CDH23: variants seen among roughly 807,000 people sequenced by gnomAD.
The protein encoded by CDH23 is cadherin related 23, also known as cadherin-23.
Under a neutral mutation model 317.1 loss-of-function variants are expected in CDH23, and 189 were observed. That is an observed-to-expected ratio of 0.60 (90% confidence interval 0.53 to 0.67). CDH23 has a LOEUF of 0.67. Among genes scored for constraint, CDH23 ranks in the 30% least tolerant of loss-of-function variants. The pLI is 0.00. For missense variants in CDH23, 4,401 were observed against 4,592.4 expected, an observed-to-expected ratio of 0.96 and a Z score of 1.20; for synonymous variants, 1,839 against 1,876.8, an observed-to-expected ratio of 0.98 and a Z score of 0.52.
chr10:71,761,017 T>C, intron 38 of CDH23: 3 of 1,291,446 alleles, frequency 2.3e-6, no homozygotes, highest in South Asian at 1.2e-5. Flanking sequence ...CTGCCCCAGG[T>C]TCTCACGCTA....
At position 71,702,640 on chromosome 10, in the gene CDH23, G is replaced by A. The variant is rs1865634683; in HGVS notation, c.2679G>A (p.Leu893=). The A allele has an allele frequency of 6.2e-6, 10 of 1,613,962 alleles. No individual in the cohort carries two copies. The East Asian group carries it at 1.8e-4, about 29-fold the overall frequency. Residue 893 remains leucine, a synonymous_variant, in exon 24 of 70, where the codon CTG becomes CTA. Transcript: ENST00000224721. ...LNDNDPTFQN[L]PFVAEVLEGI... ...ACAATGACCCCACCTTTCAGAACCT[G>A]CCTTTTGTGGCCGAGGTGCTTGAAG...
chr10:71,512,623 G>A (rs1854058768), intron 6 of CDH23, among the ~76,000 whole-genome samples: 1 of 152,188 alleles, frequency 6.6e-6, no homozygotes, highest in African/African-American at 2.4e-5. Context: ...CCCTCTCATG[G>A]GGCAGCAGGG....
chr10:71,452,678 T>C (rs1850507203), intron 3 of CDH23, among the ~76,000 whole-genome samples: 1 of 152,190 alleles, frequency 6.6e-6, no homozygotes, highest in Admixed American at 6.5e-5. Context: ...GAACTCCCCA[T>C]TGGTCTATTA....
intron 22 of CDH23, among the ~76,000 whole-genome samples, chr10:71,700,280 G>A (rs1003082492): frequency 1.1e-4 from 16 of 152,202 alleles, no homozygotes; most frequent in Admixed American, 9.2e-4. Context: ...CCAGCTACTC[G>A]GGAGGCTGAG....
In CDH23 at chr10:71,687,682, C is replaced by T. The variant is rs377445540; in HGVS notation, c.2022C>T (p.Pro674=). 4.0e-5 allele frequency: 64 copies of T among 1,613,776 alleles called. 1 individual carries two copies. In the Middle Eastern group the frequency reaches 6.6e-4, roughly 17 times the overall value. ...ACAACCCTCCCACCTTCAGCAAGCC[C>T]GCCTACTTCGTCTCCGTGGTGGAGA... is the stretch of plus-strand genomic sequence containing the variant. ...ENDNPPTFSK[P]AYFVSVVENI... is the part of the protein sequence containing the mutation. Residue 674 remains proline, a synonymous_variant, in exon 19 of 70, where the codon CCC becomes CCT. Transcript: ENST00000224721.
chr10:71,747,397 G>A (rs1019687852), intron 38 of CDH23, among the ~76,000 whole-genome samples: 16 of 152,326 alleles, frequency 1.1e-4, no homozygotes, highest in African/African-American at 3.4e-4. Flanking sequence ...AGATAGGAAC[G>A]TTTCTGGTGT....
At chr10:71,552,007 G>A (rs754745607) in intron 6 of CDH23, among the ~76,000 whole-genome samples, 2 of 152,178 alleles carry the variant, frequency 1.3e-5, no homozygotes, top group African/African-American at 2.4e-5. Flanking sequence ...GGCTGTCCCC[G>A]CCCAAGTATA....
chr10:71,615,836 A>G (rs112564982), intron 10 of CDH23, among the ~76,000 whole-genome samples: 1 of 152,218 alleles, frequency 6.6e-6, no homozygotes, highest in Non-Finnish European at 1.5e-5. Flanking sequence ...TGCCGCATCC[A>G]TCATCAACAA....
intron 9 of CDH23, among the ~76,000 whole-genome samples, chr10:71,583,978 T>TCAC (rs1858849352): frequency 1.5e-5 from 2 of 136,342 alleles, no homozygotes; most frequent in Non-Finnish European, 3.2e-5. Context: ...ATCAGCATCA[T>TCAC]CTGGGAATTA....
chr10:71,519,580 A>T (rs1854540711), intron 6 of CDH23, among the ~76,000 whole-genome samples: 1 of 152,304 alleles, frequency 6.6e-6, no homozygotes, highest in East Asian at 1.9e-4. Context: ...CTGCATTGTG[A>T]TGGGGCTGTG....
At chr10:71,663,074 G>A (rs978015801) in intron 14 of CDH23, among the ~76,000 whole-genome samples, 11 of 152,162 alleles carry the variant, frequency 7.2e-5, no homozygotes, top group African/African-American at 2.2e-4. Context: ...ACCCAGGATG[G>A]TCTCCTCAAA....
At chr10:71,662,258 G>C (rs1220969502) in intron 14 of CDH23, among the ~76,000 whole-genome samples, 4 of 152,100 alleles carry the variant, frequency 2.6e-5, no homozygotes, top group Non-Finnish European at 5.9e-5. Context: ...TGGTTCATTA[G>C]TGAGCCGCAT....
Position 71,660,035 on chromosome 10 carries a change from A to G in CDH23, c.1449+13418A>G, listed in dbSNP as rs904455970. On this transcript the variant is annotated intron_variant, in intron 14 of 69. Coordinates refer to ENST00000224721, the MANE Select transcript of CDH23 (RefSeq NM_022124.6). Reference sequence around the variant, plus strand: ...GAGTACCATAGTGCGATCTTGGCTCACTGCAACTTTTGACTCCCTGGTTCA... The same window carrying G: ...GAGTACCATAGTGCGATCTTGGCTCGCTGCAACTTTTGACTCCCTGGTTCA... 2.1e-5 allele frequency among the ~76,000 whole-genome samples: 3 copies of G among 139,892 alleles called. No homozygotes were observed. In the Admixed American group the frequency reaches 2.4e-4, roughly 11 times the overall value. The allele number at this position is 139,892 out of a possible 152,430, so 91.8% of individuals were successfully genotyped here. A position where few individuals can be genotyped will look rare whatever the true frequency, so the allele number is the denominator to read the frequency against.
chr10:71,656,283 G>A (rs540254370), intron 14 of CDH23, among the ~76,000 whole-genome samples: 4 of 152,312 alleles, frequency 2.6e-5, no homozygotes, highest in South Asian at 4.1e-4. Flanking sequence ...ACAGGTGGGC[G>A]GGAGCTGACC....
intron 28 of CDH23, chr10:71,717,777 AT>A (rs923095240): frequency 3.3e-5 from 5 of 152,304 alleles, no homozygotes; most frequent in African/African-American, 1.2e-4. Context: ...AGAAATCTGG[AT>A]TTTTTTAAAG....
chr10:71,556,487 G>A (rs1856880281), intron 6 of CDH23, among the ~76,000 whole-genome samples: 1 of 152,074 alleles, frequency 6.6e-6, no homozygotes, highest in African/African-American at 2.4e-5. Context: ...TGTAATCCCA[G>A]CTACTGGGGA....
At chr10:71,657,675 T>C (rs1863474738) in intron 14 of CDH23, among the ~76,000 whole-genome samples, 1 of 152,142 alleles carries the variant, frequency 6.6e-6, no homozygotes, top group Admixed American at 6.5e-5. Flanking sequence ...CAGAGCCTGC[T>C]CAGCTCTTCC....
rs1422307027 is a variant in CDH23, at chr10:71,646,613, T to C, written c.1445T>C (p.Val482Ala). Residue 482 changes from valine (V) to alanine (A), a missense_variant, in exon 14 of 70, where the codon GTC becomes GCC. Physicochemically the swap from Val to Ala is moderately conservative, Grantham distance 64. Transcript: ENST00000224721. The stretch of plus-strand genomic sequence containing the variant: ...ACCGTGGGGACCTCTGTGCTGACAG[T>C]CCTGGTGAGTCCCCGCTTCACTGCA... The part of the protein sequence containing the change: ...NVTVGTSVLT[V>A]LATDNDAGTF... The C allele has an allele frequency of 6.2e-7, 1 of 1,613,968 alleles. No homozygotes were observed. The highest frequency in any genetic ancestry group is 8.5e-7 in the Non-Finnish European group (1 of 1,179,874).
At chr10:71,671,702 C>T (rs1864155273) in intron 14 of CDH23, among the ~76,000 whole-genome samples, 1 of 152,080 alleles carries the variant, frequency 6.6e-6, no homozygotes, top group Non-Finnish European at 1.5e-5. Context: ...AGTGGGTCCT[C>T]TCTGGAGTCG....
Sources: allele counts gnomAD v4.1 joint callset (sites outside exome capture counted in the v4.1 genomes callset), GRCh38; gene constraint gnomAD v4.1.1; transcripts MANE v1.5; gene names NCBI Gene and HGNC (gene_info 2026-07-23, HGNC 2026-07-21).